The following TTC34 variants were observed in gnomAD, a reference collection of about 807,000 sequenced individuals.
TTC34 encodes the protein tetratricopeptide repeat domain 34, also known as tetratricopeptide repeat protein 34.
Under a neutral mutation model 40.7 loss-of-function variants are expected in TTC34, and 44 were observed. That is an observed-to-expected ratio of 1.08 (90% CI 0.85 to 1.39). The LOEUF (loss-of-function observed/expected upper bound fraction) is 1.39, where lower values mean the gene tolerates loss of function less well. Ranked by LOEUF, TTC34 falls within the 40% of genes most tolerant of loss-of-function variation. The pLI is 0.00. For missense variants in TTC34, 884 were observed against 838.0 expected, an observed-to-expected ratio of 1.05 and a Z score of -0.68; for synonymous variants, 422 against 398.6, an observed-to-expected ratio of 1.06 and a Z score of -0.70.
chr1:2,778,850 C>G (rs1236576497), intron 6 of TTC34, among the ~76,000 whole-genome samples: 1 of 152,198 alleles, frequency 6.6e-6, no homozygotes, highest in Non-Finnish European at 1.5e-5. Flanking sequence ...ACCACCATCC[C>G]TTTCCAGAAC....
intron 6 of TTC34, among the ~76,000 whole-genome samples, chr1:2,684,984 A>C: frequency 6.9e-6 from 1 of 143,982 alleles, no homozygotes; most frequent in Non-Finnish European, 1.5e-5. Flanking sequence ...GACAGCTTAG[A>C]ACAGCACCCA....
intron 8 of TTC34, 132 bp downstream of exon 8, chr1:2,644,132 C>A: frequency 2.0e-6 from 2 of 990,610 alleles, no homozygotes; most frequent in Admixed American, 2.6e-5. Context: ...CCTCCCACCC[C>A]ACCCCAAACC....
intron 3 of TTC34, among the ~76,000 whole-genome samples, chr1:2,788,114 T>C (rs551586554): frequency 1.6e-3 from 247 of 152,316 alleles, no homozygotes; most frequent in African/African-American, 5.7e-3. Flanking sequence ...TGTTACTGAG[T>C]GCTCACTGGG....
chr1:2,688,210 C>T (rs542886740), intron 6 of TTC34, among the ~76,000 whole-genome samples: 9 of 143,636 alleles, frequency 6.3e-5, no homozygotes, highest in South Asian at 2.2e-4. Flanking sequence ...ACCCCACACC[C>T]CCAGGGGAGC....
chr1:2,779,580 C>T (rs1448189037), intron 6 of TTC34, among the ~76,000 whole-genome samples: 1 of 152,194 alleles, frequency 6.6e-6, no homozygotes, highest in African/African-American at 2.4e-5. Context: ...TCCTTGGCCT[C>T]TCAAAGTGCT....
Position 2,789,753 on chromosome 1 carries a change from C to G in TTC34, c.1378G>C (p.Gly460Arg). The change falls in exon 3 of 9, where the codon GGA (glycine) becomes CGA (arginine). Residue 460 changes from glycine (G) to arginine (R), a missense_variant. Transcript: ENST00000401095. ...CTGCCCGCCAGCACCCGCAGCAGTC[C>G]CCGGCCGCACAGCGCGCGCACACAG... The G allele has an allele frequency of 3.5e-5, 24 of 681,180 alleles. 1 individual carries two copies. The South Asian group carries it at 7.0e-4, about 20-fold the overall frequency. 42.2% of individuals were successfully genotyped at this position (681,180 alleles called of 1,614,324 possible).
chr1:2,791,650 A>C (rs1054877979), intron 2 of TTC34, among the ~76,000 whole-genome samples: 11 of 152,100 alleles, frequency 7.2e-5, no homozygotes, highest in African/African-American at 2.7e-4. Context: ...AGTAAAAGAC[A>C]CTTTGAGCCT....
intron 6 of TTC34, among the ~76,000 whole-genome samples, chr1:2,684,491 C>G (rs1640228019): frequency 6.7e-6 from 1 of 148,616 alleles, no homozygotes; most frequent in Non-Finnish European, 1.5e-5. Flanking sequence ...AGGCGAGCAT[C>G]TGATGGCCTG....
chr1:2,797,675 A>C (rs1643721542), intron 2 of TTC34, among the ~76,000 whole-genome samples: 1 of 152,116 alleles, frequency 6.6e-6, no homozygotes, highest in Admixed American at 6.5e-5. Context: ...CGAGGGTGGC[A>C]GAGTGCTGGC....
chr1:2,755,622 C>A (rs1272294789), intron 6 of TTC34, among the ~76,000 whole-genome samples: 1 of 27,206 alleles, frequency 3.7e-5, no homozygotes, highest in Non-Finnish European at 7.8e-5. Context: ...AGCACCCACA[C>A]ACCCAGGTGC....
chr1:2,687,537 C>T (rs1446242370), intron 6 of TTC34, among the ~76,000 whole-genome samples: 2 of 146,782 alleles, frequency 1.4e-5, no homozygotes, highest in Admixed American at 6.7e-5. Flanking sequence ...CCCAGGTGAG[C>T]ATCTGACAGC....
At chr1:2,699,486 A>T (rs1260862095) in intron 6 of TTC34, among the ~76,000 whole-genome samples, 1 of 114,480 alleles carries the variant, frequency 8.7e-6, no homozygotes, top group Non-Finnish European at 1.9e-5. Context: ...CTGGAGCAGC[A>T]CCCACACACC....
At chr1:2,751,568 C>G (rs1257576728) in intron 6 of TTC34, among the ~76,000 whole-genome samples, 86 of 49,638 alleles carry the variant, frequency 1.7e-3, no homozygotes, top group East Asian at 5.5e-3. Context: ...GCACGCACAC[C>G]CCCAGGTGCG....
At chr1:2,683,311 C>G (rs375362444) in intron 6 of TTC34, among the ~76,000 whole-genome samples, 10 of 134,106 alleles carry the variant, frequency 7.5e-5, no homozygotes, top group African/African-American at 1.6e-4. Flanking sequence ...GAATCCACAC[C>G]CCCAGGTGAG....
chr1:2,784,295 G>A (rs1468966165), intron 5 of TTC34, among the ~76,000 whole-genome samples: 1 of 152,180 alleles, frequency 6.6e-6, no homozygotes, highest in Non-Finnish European at 1.5e-5. Flanking sequence ...TAAGATCAAA[G>A]CCTTTAAGAC....
chr1:2,672,782 C>T (rs1639748192), intron 6 of TTC34, among the ~76,000 whole-genome samples: 1 of 93,238 alleles, frequency 1.1e-5, no homozygotes, highest in Non-Finnish European at 2.7e-5. Flanking sequence ...CAACCTGGAG[C>T]AGCACCCACG....
At chr1:2,656,366 GCACCCACACCCA>G (rs1639345470) in intron 6 of TTC34, among the ~76,000 whole-genome samples, 2 of 95,180 alleles carry the variant, frequency 2.1e-5, no homozygotes, top group African/African-American at 9.2e-5. Context: ...GCCTGGAACA[GCACCCACACCCA>G]CAGGTGAGCA....
intron 6 of TTC34, among the ~76,000 whole-genome samples, chr1:2,768,323 G>T (rs1245310435): frequency 6.6e-6 from 1 of 152,112 alleles, no homozygotes; most frequent in African/African-American, 2.4e-5. Context: ...GGTGAAGGGT[G>T]GTGTTCCGGG....
chr1:2,690,399 CCAACG>C (rs1640563588), intron 6 of TTC34, among the ~76,000 whole-genome samples: 1 of 102,778 alleles, frequency 9.7e-6, no homozygotes. Context: ...AGCATCTGAC[CCAACG>C]GAGCAGAACC....
Sources: allele counts gnomAD v4.1 joint callset (sites outside exome capture counted in the v4.1 genomes callset), GRCh38; gene constraint gnomAD v4.1.1; transcripts MANE v1.5; gene names NCBI Gene and HGNC (gene_info 2026-07-23, HGNC 2026-07-21).